CLPB: variants seen among roughly 807,000 people sequenced by gnomAD.
CLPB encodes mitochondrial disaggregase.
CLPB carries 40 observed loss-of-function variants against 78.4 expected under a neutral mutation model. The observed-to-expected ratio is 0.51, with a 90% CI of 0.40 to 0.66. The LOEUF is 0.66. Among genes scored for constraint, CLPB ranks in the 30% least tolerant of loss-of-function variants. The probability of loss-of-function intolerance (pLI) is 0.00; values close to 1 mark genes in which losing one functional copy is unlikely to be tolerated. For synonymous variants in CLPB, 333 were observed against 348.0 expected, an observed-to-expected ratio of 0.96 and a Z score of 0.48; for missense variants, 780 against 886.9, an observed-to-expected ratio of 0.88 and a Z score of 1.53.
intron 5 of CLPB, among the ~76,000 whole-genome samples, chr11:72,343,350 T>TG (rs1384738389): frequency 6.6e-6 from 1 of 151,906 alleles, no homozygotes; most frequent in Non-Finnish European, 1.5e-5. Context: ...AATGTGGGGG[T>TG]GGGGGAGGTA....
At chr11:72,417,454 A>G (rs752493448) in intron 2 of CLPB, among the ~76,000 whole-genome samples, 2 of 152,078 alleles carry the variant, frequency 1.3e-5, no homozygotes, top group Non-Finnish European at 2.9e-5. Context: ...GGGAGTAACT[A>G]CTATTGGAAC....
intron 6 of CLPB, among the ~76,000 whole-genome samples, chr11:72,323,017 C>A (rs960055114): frequency 5.9e-5 from 9 of 152,166 alleles, no homozygotes; most frequent in African/African-American, 2.2e-4. Context: ...CCAAAGCCTG[C>A]ACCGTCCACC....
Position 72,430,300 on chromosome 11 carries a change from G to A in CLPB, c.455+12C>T, listed in dbSNP as rs970797101. The A allele has an allele frequency of 1.9e-6, 3 of 1,612,164 alleles. No individual in the cohort carries two copies. Among genetic ancestry groups the A allele is most frequent in the African/African-American group, 1.3e-5 (1 of 74,896 alleles). On this transcript the variant is annotated intron_variant, in intron 2 of 15. Coordinates refer to ENST00000538039, the MANE Select transcript of CLPB (RefSeq NM_001258392.3). ...TCCTGTAGGGGAGAGCAAGGCCTGG[G>A]GTTCAACTCACCTGCTGACTTCTTG...
At chr11:72,406,277 T>C (rs756658474) in intron 2 of CLPB, among the ~76,000 whole-genome samples, 17 of 152,070 alleles carry the variant, frequency 1.1e-4, no homozygotes, top group Admixed American at 9.8e-4. Flanking sequence ...CAATGACCCA[T>C]GTTCCCCTGC....
At position 72,297,158 on chromosome 11, in the gene CLPB, A is replaced by T. The variant is rs926428888; in HGVS notation, c.1330-1510T>A. ...TTCTTTTGGGAAGCAGAGAAAGCAC[A>T]GCTCCCGCCAAGCCAGAAACCGTGG... is the stretch of plus-strand genomic sequence containing the variant. On this transcript the variant is annotated intron_variant, in intron 11 of 15. Coordinates refer to ENST00000538039, the MANE Select transcript of CLPB (RefSeq NM_001258392.3). Among the ~76,000 whole-genome samples the T allele has an allele frequency of 1.5e-4, 23 of 152,260 alleles. 2 individuals carry two copies. Among genetic ancestry groups the T allele is most frequent in the Non-Finnish European group, 1.2e-4 (8 of 68,040 alleles).
intron 5 of CLPB, among the ~76,000 whole-genome samples, chr11:72,349,565 T>C (rs1310273195): frequency 6.6e-6 from 1 of 152,238 alleles, no homozygotes; most frequent in Admixed American, 6.5e-5. Context: ...GACACTTGGT[T>C]CTGGTCATCC....
At position 72,290,461 on chromosome 11, in the gene CLPB, A is replaced by G. The variant is rs779265805; in HGVS notation, c.*2906T>C. The G allele has an allele frequency of 6.6e-5, 10 of 152,268 alleles. No individual in the cohort carries two copies. The highest frequency in any genetic ancestry group is 1.2e-4 in the Non-Finnish European group (8 of 68,042). The allele number at this position is 152,268 out of a possible 1,614,324, so 9.4% of individuals were successfully genotyped here. On this transcript the variant is annotated 3_prime_UTR_variant, in exon 16 of 16. Coordinates refer to ENST00000538039, the MANE Select transcript of CLPB (RefSeq NM_001258392.3). ...AATGAAACAAAGTCACCATTAGGCA[A>G]GCATAACATTAATACCTGTTATAAG...
chr11:72,421,481 T>C (rs1290748116), intron 2 of CLPB, among the ~76,000 whole-genome samples: 1 of 152,146 alleles, frequency 6.6e-6, no homozygotes, highest in African/African-American at 2.4e-5. Flanking sequence ...GATGAGGAAT[T>C]TTCCAGACAA....
At chr11:72,414,237 AC>A (rs1028813232) in intron 2 of CLPB, among the ~76,000 whole-genome samples, 12 of 152,144 alleles carry the variant, frequency 7.9e-5, no homozygotes, top group African/African-American at 2.7e-4. Context: ...TCATCTGGGT[AC>A]CCCTGCCCAG....
chr11:72,430,279 G>A (rs1230031091), intron 2 of CLPB, 33 bp downstream of exon 2: 4 of 1,602,082 alleles, frequency 2.5e-6, no homozygotes, highest in Admixed American at 3.4e-5. Context: ...AGCCTCTCCT[G>A]TAGGGGAGAG....
intron 5 of CLPB, 52 bp from the exon 6 acceptor site, chr11:72,329,856 T>C (rs1331463317): frequency 2.1e-6 from 3 of 1,419,334 alleles, no homozygotes; most frequent in Non-Finnish European, 3.0e-6. Context: ...CAGTGGGACC[T>C]CAGCCTTCCC....
At position 72,380,268 on chromosome 11, in the gene CLPB, A is replaced by G. The variant is rs370275901; in HGVS notation, c.646+13T>C. ...AGGAGAGCTCTCAGAGAAGCAGGACAGCCCACACTTACCTTCCAAAGAATG... is the reference window on the plus strand; with the variant it reads ...AGGAGAGCTCTCAGAGAAGCAGGACGGCCCACACTTACCTTCCAAAGAATG... On this transcript the variant is annotated intron_variant, in intron 4 of 15. Transcript: ENST00000538039. The G allele has an allele frequency of 5.7e-5, 91 of 1,594,386 alleles. 1 individual carries two copies. The South Asian group carries it at 8.2e-4, about 14-fold the overall frequency.
In CLPB at chr11:72,286,183, C is replaced by T. The variant is rs565395279; in HGVS notation, c.*7184G>A. 1 of 141,274 alleles carries T rather than the reference C, an allele frequency of 7.1e-6. No individual in the cohort carries two copies. The highest frequency in any genetic ancestry group is 2.6e-5 in the African/African-American group (1 of 37,742). 8.8% of individuals were successfully genotyped at this position (141,274 alleles called of 1,614,324 possible). ...AAGCAGTCCACCTGCCTTGACCCCT[C>T]AGTGTTCTGTTGAGATTACAGGTGT... is the stretch of plus-strand genomic sequence containing the variant. On this transcript the variant is annotated 3_prime_UTR_variant, in exon 16 of 16. Coordinates refer to ENST00000538039, the MANE Select transcript of CLPB (RefSeq NM_001258392.3).
intron 3 of CLPB, among the ~76,000 whole-genome samples, chr11:72,400,845 C>G (rs1005434792): frequency 6.6e-6 from 1 of 152,160 alleles, no homozygotes; most frequent in African/African-American, 2.4e-5. Context: ...TCCCCTCACA[C>G]CCTTTGCTTC....
intron 7 of CLPB, among the ~76,000 whole-genome samples, chr11:72,311,711 C>T (rs1284169973): frequency 1.3e-5 from 2 of 152,340 alleles, no homozygotes; most frequent in Middle Eastern, 3.4e-3. Context: ...AGCACATGGC[C>T]TCAGGAGCCC....
At chr11:72,430,976 C>T (rs985410882) in intron 1 of CLPB, among the ~76,000 whole-genome samples, 1 of 152,284 alleles carries the variant, frequency 6.6e-6, no homozygotes, top group Admixed American at 6.5e-5. Context: ...ATAGACAAAA[C>T]TCCTTGCCCT....
intron 2 of CLPB, among the ~76,000 whole-genome samples, chr11:72,410,098 C>G (rs955765393): frequency 3.9e-5 from 6 of 152,102 alleles, no homozygotes; most frequent in Non-Finnish European, 7.4e-5. Flanking sequence ...GGCATGGTGG[C>G]CAGTACCTGT....
At chr11:72,305,573 A>G (rs940841293) in intron 9 of CLPB, among the ~76,000 whole-genome samples, 3 of 152,226 alleles carry the variant, frequency 2.0e-5, no homozygotes, top group Admixed American at 2.0e-4. Context: ...TAGGGCCAGT[A>G]GAAAGTAGAA....
intron 3 of CLPB, among the ~76,000 whole-genome samples, chr11:72,391,213 C>T (rs536400394): frequency 6.6e-6 from 1 of 152,236 alleles, no homozygotes; most frequent in East Asian, 1.9e-4. Flanking sequence ...CCCTGCAGTA[C>T]ACCAAGGGCC....
Sources: gnomAD v4.1 joint callset for allele counts (sites outside exome capture counted in the v4.1 genomes callset) on GRCh38, gnomAD v4.1.1 for gene constraint, MANE v1.5 for transcripts, NCBI Gene and HGNC (gene_info 2026-07-23, HGNC 2026-07-21) for gene names.